The following INSYN2A variants were observed in gnomAD, a reference collection of about 807,000 sequenced individuals.
INSYN2A encodes the protein family with sequence similarity 196 member A.
In INSYN2A, 17 loss-of-function variants were observed where a neutral mutation model predicts 39.4. The ratio of observed to expected loss-of-function variants is 0.43; its 90% CI spans 0.30 to 0.65. The LOEUF (loss-of-function observed/expected upper bound fraction) is 0.65, where lower values mean the gene tolerates loss of function less well. Among genes scored for constraint, INSYN2A ranks in the 30% least tolerant of loss-of-function variants. The probability of loss-of-function intolerance (pLI) is 0.14; values close to 1 mark genes in which losing one functional copy is unlikely to be tolerated. For synonymous variants in INSYN2A, 255 were observed against 265.7 expected (o/e 0.96, Z 0.39); for missense variants, 595 against 631.2 (o/e 0.94, Z 0.61).
At chr10:127,169,431 A>G (rs1219067359) in intron 4 of INSYN2A, among the ~76,000 whole-genome samples, 2 of 152,196 alleles carry the variant, frequency 1.3e-5, no homozygotes, top group South Asian at 2.1e-4. Flanking sequence ...TGGCAGTCAC[A>G]CACCTTGGAC....
At chr10:127,186,506 C>CGGGG (rs1564883615) in intron 2 of INSYN2A, among the ~76,000 whole-genome samples, 1 of 19,174 alleles carries the variant, frequency 5.2e-5, no homozygotes, top group African/African-American at 1.9e-4. Flanking sequence ...TGGGAGAAAC[C>CGGGG]GCCCCCCCGC....
rs1375587188 is a variant in INSYN2A, at chr10:127,137,915, C to T, written c.1362G>A (p.Glu454=). 5 of 1,614,040 alleles carry T rather than the reference C, an allele frequency of 3.1e-6. No homozygotes were observed. The highest frequency in any genetic ancestry group is 4.2e-6 in the Non-Finnish European group (5 of 1,180,022). Residue 454 remains glutamate (E), a synonymous_variant, in exon 6 of 6, where the codon GAG becomes GAA. Coordinates refer to ENST00000522781, the MANE Select transcript of INSYN2A (RefSeq NM_001039762.3). ...TTTGCTTGGGAGTTGAGGAGTAAGT[C>T]TCCTGAGAGTAAGGCGAAGGTATGA... ...TQVIPSPYSQ[E]TYSSTPKQKS...
intron 2 of INSYN2A, among the ~76,000 whole-genome samples, chr10:127,185,292 G>A (rs950197463): frequency 1.3e-5 from 2 of 152,174 alleles, no homozygotes; most frequent in African/African-American, 4.8e-5. Flanking sequence ...ACTTTGGGAG[G>A]CTGAGGTGGG....
At chr10:127,180,810 C>T (rs1262895856) in intron 2 of INSYN2A, among the ~76,000 whole-genome samples, 4 of 152,040 alleles carry the variant, frequency 2.6e-5, no homozygotes, top group Non-Finnish European at 4.4e-5. Flanking sequence ...TAGAAAAACA[C>T]GAAATAATGT....
chr10:127,155,938 CTA>C (rs1448283646), intron 4 of INSYN2A, among the ~76,000 whole-genome samples: 2 of 152,148 alleles, frequency 1.3e-5, no homozygotes, highest in Non-Finnish European at 2.9e-5. Context: ...TACTGCTCTA[CTA>C]TTGTGTTGTG....
intron 4 of INSYN2A, among the ~76,000 whole-genome samples, chr10:127,172,598 A>C (rs2054680837): frequency 6.6e-6 from 1 of 152,130 alleles, no homozygotes; most frequent in Admixed American, 6.5e-5. Context: ...GTGGCCTTGA[A>C]TTTTGGAGCC....
intron 1 of INSYN2A, among the ~76,000 whole-genome samples, chr10:127,195,691 C>T (rs1204485246): frequency 6.6e-6 from 1 of 152,206 alleles, no homozygotes; most frequent in Non-Finnish European, 1.5e-5. Context: ...TGTCTGGAAC[C>T]CACATCGCAG....
chr10:127,154,239 C>T (rs1311521535), intron 4 of INSYN2A, among the ~76,000 whole-genome samples: 5 of 152,160 alleles, frequency 3.3e-5, no homozygotes, highest in Non-Finnish European at 7.3e-5. Context: ...TTTAAAGAAA[C>T]TTTGAGGAAA....
At chr10:127,190,816 T>C (rs1295085302) in intron 2 of INSYN2A, among the ~76,000 whole-genome samples, 2 of 151,630 alleles carry the variant, frequency 1.3e-5, no homozygotes, top group Admixed American at 1.3e-4. Context: ...GTTTTACTCA[T>C]AGCTGCCCCC....
chr10:127,158,293 T>A (rs778997601), intron 4 of INSYN2A, among the ~76,000 whole-genome samples: 9 of 152,290 alleles, frequency 5.9e-5, no homozygotes. Context: ...CTAAAAACTT[T>A]AAACTGCTAG....
In INSYN2A at chr10:127,176,451, C is replaced by T; in HGVS notation, c.-5-51G>A. On this transcript the variant is annotated intron_variant, in intron 3 of 5. Transcript: ENST00000522781. This position sits in a 1 kb window ranked among gnomAD's most constrained non-coding sequence, Gnocchi z 4.4. ...TGTCAGTGGGACAGAAATACACACT[C>T]AAGCACCGGCCGCACAAACTTTTAG... is the stretch of plus-strand genomic sequence containing the variant. 6.2e-6 allele frequency: 9 copies of T among 1,446,612 alleles called. 1 individual carries two copies. In the East Asian group the frequency reaches 6.9e-5, roughly 11 times the overall value. The allele number at this position is 1,446,612 out of a possible 1,614,324, so 89.6% of individuals were successfully genotyped here.
intron 2 of INSYN2A, among the ~76,000 whole-genome samples, chr10:127,180,045 AC>A (rs1399420919): frequency 1.3e-5 from 2 of 152,172 alleles, no homozygotes; most frequent in African/African-American, 4.8e-5. Context: ...ACCCATTGAA[AC>A]AGCTGAATCC....
intron 4 of INSYN2A, among the ~76,000 whole-genome samples, chr10:127,172,043 C>T (rs1225679726): frequency 2.0e-5 from 3 of 152,146 alleles, no homozygotes; most frequent in Non-Finnish European, 1.5e-5. Context: ...AGTTCATTGT[C>T]GTATCATATA....
At chr10:127,165,410 G>A (rs1324741604) in intron 4 of INSYN2A, among the ~76,000 whole-genome samples, 1 of 152,154 alleles carries the variant, frequency 6.6e-6, no homozygotes, top group Non-Finnish European at 1.5e-5. Flanking sequence ...ATTTCTTGAT[G>A]TCCAGTTATG....
chr10:127,167,714 T>G (rs1420431643), intron 4 of INSYN2A, among the ~76,000 whole-genome samples: 1 of 152,058 alleles, frequency 6.6e-6, no homozygotes, highest in African/African-American at 2.4e-5. Context: ...TGACGCTACA[T>G]CAGCTCCCCT....
rs756393627 is a variant in INSYN2A, at chr10:127,176,032, G to A, written c.364C>T (p.Arg122Cys). Residue 122 changes from arginine to cysteine, a missense_variant, in exon 4 of 6, where the codon CGC becomes TGC. By Grantham distance (180) the Arg-to-Cys change is radical. Around this residue, in one of 2 missense-constraint regions of INSYN2A, gnomAD observed 478 missense variants for 467.4 expected, o/e 1.02. Transcript: ENST00000522781. This position sits in a 1 kb window ranked among gnomAD's most constrained non-coding sequence, Gnocchi z 4.4. The part of the protein sequence containing the change: ...KKCYQTFPLD[R>C]KKGNLKSLPA... ...AGGCTTTTGAGGTTCCCCTTTTTGC[G>A]GTCCAGAGGGAACGTCTGGTAACAC... The A allele has an allele frequency of 5.6e-6, 9 of 1,613,890 alleles. No individual in the cohort carries two copies. Among genetic ancestry groups the A allele is most frequent in the Admixed American group, 5.0e-5 (3 of 59,994 alleles).
At position 127,144,197 on chromosome 10, in the gene INSYN2A, G is replaced by A. The variant is rs1187882610; in HGVS notation, c.1257-6177C>T. 3.3e-5 allele frequency among the ~76,000 whole-genome samples: 5 copies of A among 152,082 alleles called. No homozygotes were observed. In the East Asian group the frequency reaches 9.7e-4, roughly 29 times the overall value. On this transcript the variant is annotated intron_variant, in intron 5 of 5. Coordinates refer to ENST00000522781, the MANE Select transcript of INSYN2A (RefSeq NM_001039762.3). The stretch of plus-strand genomic sequence containing the variant: ...CTCTCCAGTTACCAGAGTCACCTTA[G>A]GAAAACTGGCAAACTCCTTCTCAAA...
chr10:127,160,162 G>A (rs2053472540), intron 4 of INSYN2A, among the ~76,000 whole-genome samples: 1 of 151,732 alleles, frequency 6.6e-6, no homozygotes, highest in Non-Finnish European at 1.5e-5. Flanking sequence ...GTCTCTCACT[G>A]TGCTGTCATT....
At position 127,137,759 on chromosome 10, in the gene INSYN2A, C is replaced by T. The variant is rs2050823695; in HGVS notation, c.*78G>A. ...AATGGGCACCACAGTTCCCTCGATC[C>T]TATTCATTTTGGAAAAGTATTGACT... On this transcript the variant is annotated 3_prime_UTR_variant, in exon 6 of 6. Transcript: ENST00000522781. 1 of 1,372,280 alleles carries T rather than the reference C, an allele frequency of 7.3e-7. No individual in the cohort carries two copies. The allele number at this position is 1,372,280 out of a possible 1,614,324, so 85.0% of individuals were successfully genotyped here. A position where few individuals can be genotyped will look rare whatever the true frequency, so the allele number is the denominator to read the frequency against.
Sources: allele counts gnomAD v4.1 joint callset (sites outside exome capture counted in the v4.1 genomes callset), GRCh38; gene constraint gnomAD v4.1.1; regional missense constraint gnomAD v4.1.1; non-coding constraint Gnocchi (gnomAD v3.1); transcripts MANE v1.5; gene names NCBI Gene and HGNC (gene_info 2026-07-23, HGNC 2026-07-21).